SEM1: variants seen among roughly 807,000 people sequenced by gnomAD.
The protein encoded by SEM1 is SEM1 26S proteasome subunit, also known as 26S proteasome complex subunit SEM1.
In SEM1, 3 loss-of-function variants were observed where a neutral mutation model predicts 12.7. The ratio of observed to expected loss-of-function variants is 0.24; its 90% CI spans 0.11 to 0.61. SEM1 has a LOEUF of 0.61. Among genes scored for constraint, SEM1 ranks in the 20% least tolerant of loss-of-function variants. The probability of loss-of-function intolerance (pLI) is 0.88; values close to 1 mark genes in which losing one functional copy is unlikely to be tolerated. For synonymous variants in SEM1, 30 were observed against 27.8 expected (o/e 1.08, Z -0.25); for missense variants, 59 against 81.3 (o/e 0.73, Z 1.06).
intron 2 of SEM1, among the ~76,000 whole-genome samples, chr7:96,638,396 C>T (rs73708374): frequency 0.027 from 4,102 of 152,078 alleles, 215 homozygotes; most frequent in African/African-American, 0.093. Flanking sequence ...TCTTACTTTA[C>T]ATTTGATCTA....
At chr7:96,674,024 A>G (rs775602793) in intron 2 of SEM1, among the ~76,000 whole-genome samples, 82 of 152,008 alleles carry the variant, frequency 5.4e-4, no homozygotes, top group Non-Finnish European at 6.6e-4. Context: ...CCCGCCAGCC[A>G]AATTTTTAGA....
intron 2 of SEM1, among the ~76,000 whole-genome samples, chr7:96,588,085 G>A (rs1028305313): frequency 5.9e-5 from 9 of 152,162 alleles, no homozygotes; most frequent in East Asian, 1.9e-4. Flanking sequence ...AAGAAGAAAG[G>A]TGGCTGGGTC....
At chr7:96,652,201 ATTG>A (rs1809018479) in intron 2 of SEM1, among the ~76,000 whole-genome samples, 2 of 152,188 alleles carry the variant, frequency 1.3e-5, no homozygotes, top group African/African-American at 2.4e-5. Flanking sequence ...AACACTTTAT[ATTG>A]AAATAATATT....
At chr7:96,556,174 C>A (rs1805490106) in intron 2 of SEM1, among the ~76,000 whole-genome samples, 1 of 151,894 alleles carries the variant, frequency 6.6e-6, no homozygotes, top group South Asian at 2.1e-4. Context: ...TTAATTGGAG[C>A]ATTTAGTCCA....
At chr7:96,553,562 T>G (rs1336382415) in intron 2 of SEM1, among the ~76,000 whole-genome samples, 1 of 152,172 alleles carries the variant, frequency 6.6e-6, no homozygotes, top group Non-Finnish European at 1.5e-5. Flanking sequence ...ATATCTCTGT[T>G]TTGGTACCAG....
rs548518605 is a variant in SEM1 at position 96,612,981 on chromosome 7, A to C, written c.170+81817T>G. On this transcript the variant is annotated intron_variant and NMD_transcript_variant, in intron 2 of 3. Transcript: ENST00000466986. ...AAAAAATTAAAACTTTTTTAAATGA[A>C]GAAAAGTACAAAAGAAAGTATTTTT... Among the ~76,000 whole-genome samples the C allele has an allele frequency of 6.2e-4, 95 of 152,306 alleles. 1 individual carries two copies. Among genetic ancestry groups the C allele is most frequent in the Non-Finnish European group, 1.1e-3 (74 of 68,010 alleles).
chr7:96,577,260 T>C (rs893905228), intron 2 of SEM1, among the ~76,000 whole-genome samples: 3 of 152,138 alleles, frequency 2.0e-5, no homozygotes, highest in African/African-American at 7.2e-5. Context: ...ATCCAACATC[T>C]GCTGGTGGCC....
intron 2 of SEM1, among the ~76,000 whole-genome samples, chr7:96,509,048 ACAAT>A (rs1251070636): frequency 6.7e-6 from 1 of 150,294 alleles, no homozygotes; most frequent in Non-Finnish European, 1.5e-5. Context: ...GTGCAGTGGC[ACAAT>A]CTCAGCTCAC....
Position 96,561,464 on chromosome 7 carries a change from T to A in SEM1, c.171-54766A>T, listed in dbSNP as rs192469227. On this transcript the variant is annotated intron_variant and NMD_transcript_variant, in intron 2 of 3. Coordinates refer to the SEM1 transcript ENST00000466986. The stretch of plus-strand genomic sequence containing the variant: ...TGGTCATTTTTCTAGACTGATGCCC[T>A]GGTCCCCTCACAAAATGGCAGAGGC... Among the ~76,000 whole-genome samples, 3 of 152,308 alleles carry A rather than the reference T, an allele frequency of 2.0e-5. No individual in the cohort carries two copies. The East Asian group carries it at 5.8e-4, about 29-fold the overall frequency.
chr7:96,617,296 CT>C, intron 2 of SEM1, among the ~76,000 whole-genome samples: 1 of 152,016 alleles, frequency 6.6e-6, no homozygotes, highest in East Asian at 1.9e-4. Context: ...GGTATTTCCT[CT>C]TTTTTTAGCT....
chr7:96,696,711 A>G (rs1790109774), intron 1 of SEM1: 1 of 151,998 alleles, frequency 6.6e-6, no homozygotes, highest in Non-Finnish European at 1.5e-5. Flanking sequence ...ATAGGGTATA[A>G]TGCCCCAAAA....
intron 2 of SEM1, among the ~76,000 whole-genome samples, chr7:96,591,933 G>T (rs1415478628): frequency 6.6e-6 from 1 of 151,834 alleles, no homozygotes; most frequent in Non-Finnish European, 1.5e-5. Flanking sequence ...TTCATCTCAG[G>T]TGAGTTAACC....
downstream of SEM1, among the ~76,000 whole-genome samples, chr7:96,687,398 G>A (rs75451723): frequency 7.9e-5 from 12 of 151,672 alleles, no homozygotes; most frequent in South Asian, 2.1e-4. Context: ...AATGTCCAGC[G>A]ATAGACTGGA....
chr7:96,519,234 G>A (rs1254674915), intron 2 of SEM1, among the ~76,000 whole-genome samples: 2 of 152,150 alleles, frequency 1.3e-5, no homozygotes, highest in South Asian at 2.1e-4. Flanking sequence ...AATATTTACA[G>A]AGGACAGAAA....
At chr7:96,671,901 C>G (rs1454745803), downstream of SEM1, among the ~76,000 whole-genome samples, 1 of 152,158 alleles carries the variant, frequency 6.6e-6, no homozygotes, top group African/African-American at 2.4e-5. Flanking sequence ...TTGGGGAAAC[C>G]TGTTGTTATT....
intron 2 of SEM1, among the ~76,000 whole-genome samples, chr7:96,580,930 T>G (rs1287576063): frequency 2.0e-5 from 3 of 152,258 alleles, no homozygotes; most frequent in Admixed American, 6.5e-5. Flanking sequence ...GCCTGTTCAC[T>G]CTGATGGTAG....
chr7:96,507,929 A>G (rs953904011), intron 2 of SEM1, among the ~76,000 whole-genome samples: 1 of 152,228 alleles, frequency 6.6e-6, no homozygotes, highest in African/African-American at 2.4e-5. Flanking sequence ...ATCCAATCCC[A>G]CAGATCCCTG....
chr7:96,649,214 T>G (rs2116436944), intron 2 of SEM1: 1 of 152,332 alleles, frequency 6.6e-6, no homozygotes, highest in East Asian at 1.9e-4. Context: ...CAATGAACTT[T>G]TATTAAACCA....
chr7:96,543,937 T>A lies in SEM1; in HGVS notation c.171-37239A>T, dbSNP rs140257038. Among the ~76,000 whole-genome samples, 31 of 152,188 alleles carry A rather than the reference T, an allele frequency of 2.0e-4. No individual in the cohort carries two copies. The East Asian group carries it at 2.5e-3, about 12-fold the overall frequency. On this transcript the variant is annotated intron_variant and NMD_transcript_variant, in intron 2 of 3. Coordinates refer to the SEM1 transcript ENST00000466986. ...ATTCACACTGGGCCCCATGCTTGGC[T>A]TAGTGCTCTATGATCACCATCTTGA... is the stretch of plus-strand genomic sequence containing the variant.
Sources: allele counts gnomAD v4.1 joint callset (sites outside exome capture counted in the v4.1 genomes callset), GRCh38; gene constraint gnomAD v4.1.1; transcripts MANE v1.5; gene names NCBI Gene and HGNC (gene_info 2026-07-23, HGNC 2026-07-21).